The following TOMM7 variants were observed in gnomAD, a reference collection of about 807,000 sequenced individuals.
The protein encoded by TOMM7 is mitochondrial import receptor subunit TOM7 homolog.
A neutral mutation model predicts 9.5 loss-of-function variants in TOMM7; 8 were observed. The ratio of observed to expected loss-of-function variants is 0.84; its 90% confidence interval spans 0.49 to 1.51. The LOEUF is 1.51. Ranked by LOEUF, TOMM7 falls within the 40% of genes most tolerant of loss-of-function variation. The pLI is 0.00. For synonymous variants in TOMM7, 27 were observed against 21.4 expected (o/e 1.26, Z -0.72); for missense variants, 74 against 63.7 (o/e 1.16, Z -0.55).
At chr7:22,822,370 A>T in intron 1 of TOMM7, 1 of 1,279,966 alleles carries the variant, frequency 7.8e-7, no homozygotes, top group Admixed American at 2.7e-5. Context: ...AGAGTGAATT[A>T]GTGACTTTCA....
chr7:22,814,170 TA>T (rs5882860), intron 2 of TOMM7, among the ~76,000 whole-genome samples: 32,471 of 139,156 alleles, frequency 0.23, 4,034 homozygotes, highest in Middle Eastern at 0.33. Context: ...CCCTGTCTCT[TA>T]AAAAAAAAAA....
Position 22,813,076 on chromosome 7 carries a change from G to C in TOMM7, c.*94C>G, listed in dbSNP as rs748630230. ...AAGAGCCTTGTGCCATCCAACTAGT[G>C]ACTGAATGATGTCCCATCTCTTATC... On this transcript the variant is annotated 3_prime_UTR_variant, in exon 3 of 3. Coordinates refer to ENST00000358435, the MANE Select transcript of TOMM7 (RefSeq NM_019059.5). 7 of 1,321,944 alleles carry C rather than the reference G, an allele frequency of 5.3e-6. No homozygotes were observed. The highest frequency in any genetic ancestry group is 7.6e-6 in the Non-Finnish European group (7 of 915,228). 81.9% of individuals were successfully genotyped at this position (1,321,944 alleles called of 1,614,324 possible).
At chr7:22,821,217 C>A (rs1182356924) in intron 1 of TOMM7, among the ~76,000 whole-genome samples, 8 of 152,042 alleles carry the variant, frequency 5.3e-5, no homozygotes, top group African/African-American at 1.7e-4. Flanking sequence ...CGAGACCATC[C>A]TGGCTAACAC....
At chr7:22,817,940 A>T in intron 2 of TOMM7, 60 bp downstream of exon 2, 1 of 1,483,968 alleles carries the variant, frequency 6.7e-7, no homozygotes, top group Non-Finnish European at 9.4e-7. Flanking sequence ...TTTACATCTT[A>T]GTGATTCAGT....
At chr7:22,822,452 A>G in intron 1 of TOMM7, 1 of 741,106 alleles carries the variant, frequency 1.3e-6, no homozygotes. Flanking sequence ...ATGCAAAAAT[A>G]GAAAAGGAGG....
chr7:22,821,212 C>T (rs932975318), intron 1 of TOMM7, among the ~76,000 whole-genome samples: 5 of 150,896 alleles, frequency 3.3e-5, no homozygotes, highest in African/African-American at 1.2e-4. Context: ...GAGATCGAGA[C>T]CATCCTGGCT....
intron 1 of TOMM7, among the ~76,000 whole-genome samples, chr7:22,819,645 T>C (rs980415841): frequency 2.6e-5 from 4 of 152,316 alleles, no homozygotes; most frequent in African/African-American, 7.2e-5. Flanking sequence ...ATGTGGTGGA[T>C]TGCACTGCAG....
chr7:22,822,621 G>T, intron 1 of TOMM7, 56 bp downstream of exon 1: 1 of 1,494,336 alleles, frequency 6.7e-7, no homozygotes, highest in Non-Finnish European at 9.3e-7. Context: ...AAATGGGGCT[G>T]CTGTCTCCGC....
In TOMM7 at chr7:22,815,715, G is replaced by A. The variant is rs184811670; in HGVS notation, c.152+2285C>T. Among the ~76,000 whole-genome samples the A allele has an allele frequency of 2.9e-3, 438 of 152,242 alleles. 2 individuals carry two copies. Among genetic ancestry groups the A allele is most frequent in the African/African-American group, 9.8e-3 (409 of 41,550 alleles). The stretch of plus-strand genomic sequence containing the variant: ...GGATACTATGGGGCTGGGTGCAGTG[G>A]CCCATGCCTATAATCCCAGCACTTC... On this transcript the variant is annotated intron_variant, in intron 2 of 2. Transcript: ENST00000358435.
At chr7:22,818,980 TA>T (rs1376012814) in intron 1 of TOMM7, among the ~76,000 whole-genome samples, 1 of 82,192 alleles carries the variant, frequency 1.2e-5, no homozygotes, top group Non-Finnish European at 2.3e-5. Context: ...TCTCCTTTTA[TA>T]AAACAAAGAC....
In TOMM7 at chr7:22,822,801, G is replaced by A. The variant is rs1264011485; in HGVS notation, c.-22C>T. 4 of 1,598,514 alleles carry A rather than the reference G, an allele frequency of 2.5e-6. No homozygotes were observed. Among genetic ancestry groups the A allele is most frequent in the African/African-American group, 1.3e-5 (1 of 74,722 alleles). On this transcript the variant is annotated 5_prime_UTR_variant, in exon 1 of 3. Transcript: ENST00000358435. Reference sequence around the variant, plus strand: ...CCATGGCGACGGCCGTGTGGCGCAGGGAGGACCCCTTACAGCAACCACAGC... The same window carrying A: ...CCATGGCGACGGCCGTGTGGCGCAGAGAGGACCCCTTACAGCAACCACAGC...
intron 2 of TOMM7, among the ~76,000 whole-genome samples, chr7:22,815,428 G>T (rs983546870): frequency 1.3e-4 from 19 of 151,944 alleles, no homozygotes; most frequent in Middle Eastern, 3.4e-3. Flanking sequence ...AGGTGCTGTG[G>T]CTCATGCTTA....
At chr7:22,821,057 G>A (rs983635616) in intron 1 of TOMM7, among the ~76,000 whole-genome samples, 1 of 152,040 alleles carries the variant, frequency 6.6e-6, no homozygotes, top group Non-Finnish European at 1.5e-5. Flanking sequence ...TGACACAGCT[G>A]GGATGAAAAA....
chr7:22,822,565 T>C (rs1782408585), intron 1 of TOMM7, 112 bp downstream of exon 1: 1 of 943,542 alleles, frequency 1.1e-6, no homozygotes, highest in Non-Finnish European at 1.7e-6. Flanking sequence ...TCAGGGGCCG[T>C]GCACGGCAGT....
At position 22,822,723 on chromosome 7, in the gene TOMM7, G is replaced by A. The variant is rs759315830; in HGVS notation, c.57C>T (p.Ser19=). The change falls in exon 1 of 3, where the codon AGC becomes AGT. Residue 19 remains serine, a synonymous_variant. Coordinates refer to ENST00000358435, the MANE Select transcript of TOMM7 (RefSeq NM_019059.5). Reference sequence around the variant, plus strand: ...TAAAGCCCCAGCGAATGGCAAACTGGCTCCCCTTGAAGAGCTGCTGTAGTC... The same window carrying A: ...TAAAGCCCCAGCGAATGGCAAACTGACTCCCCTTGAAGAGCTGCTGTAGTC... ...KQRLQQLFKG[S]QFAIRWGFIP... is the part of the protein sequence containing the mutation. 10 of 1,614,190 alleles carry A rather than the reference G, an allele frequency of 6.2e-6. No individual in the cohort carries two copies. The highest frequency in any genetic ancestry group is 3.3e-5 in the South Asian group (3 of 91,092).
At chr7:22,819,431 G>A (rs988415044) in intron 1 of TOMM7, among the ~76,000 whole-genome samples, 2 of 151,526 alleles carry the variant, frequency 1.3e-5, no homozygotes, top group African/African-American at 2.4e-5. Context: ...GTAGTGGCAC[G>A]ATCTCAGCTC....
chr7:22,814,319 C>T (rs1431353207), intron 2 of TOMM7, among the ~76,000 whole-genome samples: 4 of 147,886 alleles, frequency 2.7e-5, no homozygotes, highest in African/African-American at 7.5e-5. Context: ...CATTGCACTC[C>T]AGCCTGGGTG....
intron 2 of TOMM7, among the ~76,000 whole-genome samples, chr7:22,815,472 G>A (rs1782306147): frequency 6.6e-6 from 1 of 151,696 alleles, no homozygotes. Context: ...CAGGTGGGAG[G>A]ACTGCTTGAG....
chr7:22,813,902 C>T (rs71520386), intron 2 of TOMM7, among the ~76,000 whole-genome samples: 19,110 of 144,418 alleles, frequency 0.13, 1,863 homozygotes, highest in Non-Finnish European at 0.2. Context: ...TTAAATGACA[C>T]TGACAGTTTT....
Sources: gnomAD v4.1 joint callset for allele counts (sites outside exome capture counted in the v4.1 genomes callset) on GRCh38, gnomAD v4.1.1 for gene constraint, MANE v1.5 for transcripts, NCBI Gene and HGNC (gene_info 2026-07-23, HGNC 2026-07-21) for gene names.